Variants in POLK observed in about 807,000 individuals in gnomAD.
POLK encodes polymerase (DNA directed) kappa.
A neutral mutation model predicts 94.0 loss-of-function variants in POLK; 76 were observed. That is an observed-to-expected ratio of 0.81 (90% CI 0.67 to 0.98). The LOEUF is 0.98. Among genes scored for constraint, POLK ranks in the 50% least tolerant of loss-of-function variants. POLK has a pLI of 0.00. For missense variants in POLK, 954 were observed against 1,010.1 expected (o/e 0.94, Z 0.75); for synonymous variants, 349 against 325.4 (o/e 1.07, Z -0.78).
intron 11 of POLK, 129 bp from the exon 12 acceptor site, chr5:75,593,749 A>G: frequency 2.0e-6 from 1 of 501,146 alleles, no homozygotes; most frequent in Non-Finnish European, 3.5e-6. Context: ...AGGCTGAGGC[A>G]AGAGGATTGC....
intron 1 of POLK, among the ~76,000 whole-genome samples, chr5:75,515,807 G>A (rs914606541): frequency 2.6e-5 from 4 of 152,098 alleles, no homozygotes; most frequent in Non-Finnish European, 5.9e-5. Flanking sequence ...ATTTTAGGCC[G>A]CCCATGGTGA....
At chr5:75,526,573 T>G (rs1768856732) in intron 1 of POLK, among the ~76,000 whole-genome samples, 3 of 147,788 alleles carry the variant, frequency 2.0e-5, no homozygotes, top group South Asian at 2.1e-4. Context: ...GTTTTTTTTT[T>G]GTTTTTTTTT....
chr5:75,576,908 C>T, exon 6 of POLK: 2 of 1,553,230 alleles, frequency 1.3e-6, no homozygotes, highest in Non-Finnish European at 1.7e-6. Context: ...GGTATTTCAT[C>T]AAAATGGGAA....
At chr5:75,527,666 A>G (rs539900415) in intron 1 of POLK, among the ~76,000 whole-genome samples, 1 of 152,186 alleles carries the variant, frequency 6.6e-6, no homozygotes, top group East Asian at 1.9e-4. Context: ...CGAACCTGGT[A>G]GTTTTGCTTT....
intron 9 of POLK, among the ~76,000 whole-genome samples, chr5:75,585,629 C>T (rs937134715): frequency 4.0e-5 from 6 of 151,890 alleles, no homozygotes; most frequent in Admixed American, 6.6e-5. Context: ...GGTTTTCTTC[C>T]CTGCCACTCT....
At chr5:75,573,765 T>C in exon 5 of POLK, 3 of 1,613,236 alleles carry the variant, frequency 1.9e-6, no homozygotes, top group Non-Finnish European at 1.7e-6. Context: ...TGCAAGGAGA[T>C]TTGGTGTTCG....
At chr5:75,586,751 TAGTC>T (rs200167663) in intron 9 of POLK, among the ~76,000 whole-genome samples, 2,074 of 152,316 alleles carry the variant, frequency 0.014, 46 homozygotes, top group African/African-American at 0.047. Context: ...TGGTTTTTGA[TAGTC>T]AGGTTTTTAA....
At chr5:75,543,380 G>A (rs1339112188) in intron 1 of POLK, among the ~76,000 whole-genome samples, 1 of 152,088 alleles carries the variant, frequency 6.6e-6, no homozygotes, top group Non-Finnish European at 1.5e-5. Context: ...TAAATTCGGG[G>A]TGATTTTGAA....
chr5:75,597,049 C>T lies in POLK; in HGVS notation c.2356C>T (p.Gln786Ter), dbSNP rs558331977. 6.2e-7 allele frequency: 1 copy of T among 1,613,518 alleles called. No homozygotes were observed. ...AGTTTGTCCTGTTTGTAACGTAGAA[C>T]AAAAGACTTCAGATCTAACCCTGTT... is the stretch of plus-strand genomic sequence containing the variant. Residue 786 changes from glutamine (Q) to a stop codon, truncating the protein, a stop_gained, in exon 13 of 15, where the codon CAA becomes TAA. Transcript: ENST00000241436. LOFTEE classifies it high-confidence loss of function.
chr5:75,547,292 G>A (rs1406582121), intron 2 of POLK, 135 bp downstream of exon 2: 2 of 301,004 alleles, frequency 6.6e-6, no homozygotes, highest in African/African-American at 2.2e-5. Flanking sequence ...CTACAAAAGG[G>A]TATGGAATAA....
chr5:75,535,802 A>G (rs1375004241), intron 1 of POLK, among the ~76,000 whole-genome samples: 1 of 152,132 alleles, frequency 6.6e-6, no homozygotes, highest in Non-Finnish European at 1.5e-5. Flanking sequence ...TCTCTATCAG[A>G]TGAGTTTGGT....
At chr5:75,589,388 T>TACACACACACACACACACACACACAC (rs71600465) in intron 10 of POLK, among the ~76,000 whole-genome samples, 19 of 128,248 alleles carry the variant, frequency 1.5e-4, no homozygotes, top group Non-Finnish European at 2.1e-4. Flanking sequence ...TATACACACA[T>TACACACACACACACACACACACACAC]ACACACACAC....
chr5:75,574,834 T>A (rs970626902), intron 5 of POLK, among the ~76,000 whole-genome samples: 10 of 152,224 alleles, frequency 6.6e-5, no homozygotes, highest in Non-Finnish European at 1.5e-5. Flanking sequence ...ACTGCTTATC[T>A]CTTTCATTGT....
chr5:75,576,946 T>C lies in POLK; in HGVS notation c.694+13T>C, dbSNP rs1281819573. On this transcript the variant is annotated intron_variant, in intron 6 of 14. Transcript: ENST00000241436. ...TCTGTAGAAAATGGTAAGCAACTTA[T>C]TAAGACTATCAAACCAAGAAGCAGT... 1 of 1,505,420 alleles carries C rather than the reference T, an allele frequency of 6.6e-7. No individual in the cohort carries two copies. The highest frequency in any genetic ancestry group is 8.9e-7 in the Non-Finnish European group (1 of 1,125,600). The allele number at this position is 1,505,420 out of a possible 1,614,324, so 93.3% of individuals were successfully genotyped here.
At chr5:75,520,887 A>G (rs1483364560) in intron 1 of POLK, among the ~76,000 whole-genome samples, 1 of 152,178 alleles carries the variant, frequency 6.6e-6, no homozygotes, top group African/African-American at 2.4e-5. Context: ...TTTGCTGAAT[A>G]TAATATTCTT....
the POLK span, among the ~76,000 whole-genome samples, chr5:75,607,028 A>G: frequency 6.6e-6 from 1 of 152,194 alleles, no homozygotes; most frequent in Non-Finnish European, 1.5e-5. Flanking sequence ...TCAGGCAGAC[A>G]ACTTAGTATC....
rs546298434 is a variant in POLK, at chr5:75,555,729, A to C, written c.255+3138A>C. 1.6e-4 allele frequency among the ~76,000 whole-genome samples: 25 copies of C among 152,088 alleles called. 1 individual carries two copies. Among genetic ancestry groups the C allele is most frequent in the African/African-American group, 4.8e-4 (20 of 41,512 alleles). Reference sequence around the variant, plus strand: ...TGCCCAGCTAATTTTTGCATTTTTTAGTAGAGACGGGGTTTCACCATGTTG... The same window carrying C: ...TGCCCAGCTAATTTTTGCATTTTTTCGTAGAGACGGGGTTTCACCATGTTG... On this transcript the variant is annotated intron_variant, in intron 3 of 14. Transcript: ENST00000241436.
chr5:75,597,666 T>C, intron 13 of POLK, 81 bp from the exon 14 acceptor site: 2 of 772,846 alleles, frequency 2.6e-6, no homozygotes, highest in South Asian at 4.9e-5. Context: ...CAATAAGTTT[T>C]AACTTTTTAA....
At chr5:75,526,114 A>G (rs1245601284) in intron 1 of POLK, among the ~76,000 whole-genome samples, 1 of 152,168 alleles carries the variant, frequency 6.6e-6, no homozygotes, top group African/African-American at 2.4e-5. Flanking sequence ...TTCATAGTAA[A>G]TATAACCAAC....
Sources: gnomAD v4.1 joint callset for allele counts (sites outside exome capture counted in the v4.1 genomes callset) on GRCh38, gnomAD v4.1.1 for gene constraint, MANE v1.5 for transcripts, NCBI Gene and HGNC (gene_info 2026-07-23, HGNC 2026-07-21) for gene names.